Variants in EFCAB3 observed in about 807,000 individuals in gnomAD.
The protein encoded by EFCAB3 is EF-hand calcium-binding domain-containing protein 3.
A neutral mutation model predicts 42.2 loss-of-function variants in EFCAB3; 36 were observed. The ratio of observed to expected loss-of-function variants is 0.85; its 90% CI spans 0.65 to 1.13. The LOEUF (loss-of-function observed/expected upper bound fraction) is 1.13, where lower values mean the gene tolerates loss of function less well. Ranked by LOEUF, EFCAB3 falls within the 50% of genes most tolerant of loss-of-function variation. The pLI is 0.00. For synonymous variants in EFCAB3, 170 were observed against 172.8 expected (o/e 0.98, Z 0.13); for missense variants, 418 against 505.1 (o/e 0.83, Z 1.65).
intron 2 of EFCAB3, among the ~76,000 whole-genome samples, chr17:62,386,415 C>T (rs144830056): frequency 6.7e-4 from 102 of 151,934 alleles, no homozygotes; most frequent in African/African-American, 2.3e-3. Context: ...TACACCCATA[C>T]ATATGCTGGT....
chr17:62,371,769 T>G (rs1342404778), intron 1 of EFCAB3, among the ~76,000 whole-genome samples: 1 of 152,092 alleles, frequency 6.6e-6, no homozygotes, highest in East Asian at 1.9e-4. Flanking sequence ...TTATTGAAAT[T>G]TTATTATTGT....
In EFCAB3 at chr17:62,416,210, T is replaced by A; in HGVS notation, c.1198T>A (p.Tyr400Asn). ...SPKDLRLYDA[Y>N]VNRNSSHNSR... ...TAAGGACTTAAGGTTATATGATGCC[T>A]ATGTGAATAGAAATTCCTCCCATAA... is the stretch of plus-strand genomic sequence containing the variant. Residue 400 changes from tyrosine (Y) to asparagine (N), a missense_variant, in exon 10 of 10, where the codon TAT becomes AAT. By Grantham distance (143) the Tyr-to-Asn change is moderately radical. Coordinates refer to ENST00000305286, the MANE Select transcript of EFCAB3 (RefSeq NM_173503.4). 1 of 1,613,830 alleles carries A rather than the reference T, an allele frequency of 6.2e-7. No individual in the cohort carries two copies. The highest frequency in any genetic ancestry group is 8.5e-7 in the Non-Finnish European group (1 of 1,179,748).
chr17:62,378,864 G>A (rs1567719836), upstream of EFCAB3, among the ~76,000 whole-genome samples: 1 of 151,758 alleles, frequency 6.6e-6, no homozygotes, highest in East Asian at 1.9e-4. Context: ...CATGGCACGT[G>A]TATACCTATA....
intron 3 of EFCAB3, among the ~76,000 whole-genome samples, chr17:62,387,762 TATAA>T (rs1402933637): frequency 1.3e-5 from 2 of 152,120 alleles, no homozygotes; most frequent in African/African-American, 4.8e-5. Context: ...AAGAAAACAA[TATAA>T]AATGAGCTAC....
chr17:62,405,903 A>G (rs372788621), intron 6 of EFCAB3, among the ~76,000 whole-genome samples: 3 of 152,260 alleles, frequency 2.0e-5, no homozygotes, highest in Admixed American at 6.5e-5. Context: ...TTTCTTTTTT[A>G]TACTTTTCTA....
chr17:62,408,687 C>T (rs143723993), intron 8 of EFCAB3, among the ~76,000 whole-genome samples: 26 of 152,292 alleles, frequency 1.7e-4, no homozygotes, highest in African/African-American at 5.5e-4. Context: ...AGAAAATTTC[C>T]ATTATTGAGG....
At chr17:62,394,972 G>T in intron 5 of EFCAB3, 96 bp from the exon 6 acceptor site, 2 of 1,486,214 alleles carry the variant, frequency 1.3e-6, no homozygotes, top group South Asian at 2.7e-5. Context: ...TCTAGTTCCT[G>T]ACTTGATATT....
chr17:62,398,498 CAA>C (rs11333238), intron 6 of EFCAB3, among the ~76,000 whole-genome samples: 81,899 of 126,282 alleles, frequency 0.65, 28,497 homozygotes, highest in Non-Finnish European at 0.81. Context: ...TTTTTATATG[CAA>C]AAAAAAAAAA....
At position 62,373,195 on chromosome 17, in the gene EFCAB3, A is replaced by G. The variant is rs141258653; in HGVS notation, c.35-619A>G. On this transcript the variant is annotated intron_variant, in intron 1 of 11. Coordinates refer to the EFCAB3 transcript ENST00000450662. ...CTTGGGAGTCTGAGGCACGAGAATC[A>G]CTTGAACCCAGGAGGCAGAGGTTGC... is the stretch of plus-strand genomic sequence containing the variant. Among the ~76,000 whole-genome samples, 15 of 151,484 alleles carry G rather than the reference A, an allele frequency of 9.9e-5. No individual in the cohort carries two copies. In the East Asian group the frequency reaches 2.9e-3, roughly 30 times the overall value.
chr17:62,407,962 G>A (rs986605607), intron 8 of EFCAB3, among the ~76,000 whole-genome samples: 2 of 152,110 alleles, frequency 1.3e-5, no homozygotes, highest in Admixed American at 1.3e-4. Context: ...GCCCAGAGGG[G>A]TATCACTGTC....
chr17:62,384,574 C>A (rs1454077606), intron 2 of EFCAB3, among the ~76,000 whole-genome samples: 1 of 152,166 alleles, frequency 6.6e-6, no homozygotes, highest in Non-Finnish European at 1.5e-5. Context: ...GAGATCGCAC[C>A]ACTGTGCTTC....
At chr17:62,371,398 T>G (rs1385378819) in intron 1 of EFCAB3, among the ~76,000 whole-genome samples, 1 of 148,134 alleles carries the variant, frequency 6.8e-6, no homozygotes, top group Non-Finnish European at 1.5e-5. Context: ...CTACTAAAAA[T>G]AAAAAAAAAA....
intron 9 of EFCAB3, 82 bp from the exon 10 acceptor site, chr17:62,415,920 AC>A (rs970960196): frequency 2.2e-5 from 26 of 1,180,738 alleles, no homozygotes; most frequent in Non-Finnish European, 3.0e-5. Context: ...CAGGGACATA[AC>A]TCTTGGGGTA....
chr17:62,388,650 G>A (rs1175181937), intron 3 of EFCAB3, among the ~76,000 whole-genome samples: 4 of 152,158 alleles, frequency 2.6e-5, no homozygotes, highest in Middle Eastern at 6.3e-3. Context: ...GGCCACCAAG[G>A]CCCCAGATAG....
In EFCAB3 at chr17:62,385,181, C is replaced by T. The variant is rs141675598; in HGVS notation, c.74+2128C>T. On this transcript the variant is annotated intron_variant, in intron 2 of 9. Coordinates refer to ENST00000305286, the MANE Select transcript of EFCAB3 (RefSeq NM_173503.4). ...ATTACAGGTTGGGCACAGTGGCACA[C>T]ACTTGTAATCCCAACACTTTGGGAG... Among the ~76,000 whole-genome samples, 636 of 152,284 alleles carry T rather than the reference C, an allele frequency of 4.2e-3. 4 individuals carry two copies. Among genetic ancestry groups the T allele is most frequent in the African/African-American group, 0.014 (593 of 41,560 alleles).
At chr17:62,402,007 C>T (rs948094371) in intron 6 of EFCAB3, among the ~76,000 whole-genome samples, 2 of 152,092 alleles carry the variant, frequency 1.3e-5, no homozygotes, top group African/African-American at 4.8e-5. Flanking sequence ...TCCTTCACAT[C>T]CCTTGTAAGT....
chr17:62,381,955 G>T (rs878977675), intron 1 of EFCAB3: 2 of 272,938 alleles, frequency 7.3e-6, no homozygotes, highest in Non-Finnish European at 1.5e-5. Context: ...GAGAAGATGA[G>T]GAGGAGGAGG....
At chr17:62,378,364 A>G (rs1162092410), upstream of EFCAB3, among the ~76,000 whole-genome samples, 1 of 152,162 alleles carries the variant, frequency 6.6e-6, no homozygotes, top group Non-Finnish European at 1.5e-5. Flanking sequence ...TAAGGAAATT[A>G]ATTCAGTTCA....
chr17:62,377,188 T>C (rs1289583251), upstream of EFCAB3, among the ~76,000 whole-genome samples: 1 of 152,244 alleles, frequency 6.6e-6, no homozygotes, highest in Non-Finnish European at 1.5e-5. Context: ...TCTTTATATG[T>C]ATTGCTTTCT....
Sources: allele counts gnomAD v4.1 joint callset (sites outside exome capture counted in the v4.1 genomes callset), GRCh38; gene constraint gnomAD v4.1.1; transcripts MANE v1.5; gene names NCBI Gene and HGNC (gene_info 2026-07-23, HGNC 2026-07-21).